FTCDNL1: variants seen among roughly 807,000 people sequenced by gnomAD.
The protein encoded by FTCDNL1 is formiminotransferase cyclodeaminase N-terminal like.
FTCDNL1 carries 11 observed loss-of-function variants against 5.9 expected under a neutral mutation model. The ratio of observed to expected loss-of-function variants is 1.87; its 90% confidence interval spans 1.18 to 3.10. The LOEUF (loss-of-function observed/expected upper bound fraction) is 3.10. Ranked by LOEUF, FTCDNL1 falls within the 30% of genes most tolerant of loss-of-function variation. FTCDNL1 has a pLI of 0.00. For synonymous variants in FTCDNL1, 58 were observed against 24.8 expected, an observed-to-expected ratio of 2.34 and a Z score of -3.99; for missense variants, 115 against 65.5, an observed-to-expected ratio of 1.76 and a Z score of -2.61.
chr2:199,669,254 A>G, the FTCDNL1 span, among the ~76,000 whole-genome samples: 1 of 152,198 alleles, frequency 6.6e-6, no homozygotes. Flanking sequence ...AGCTGAACCA[A>G]TTCAGAATAT....
intron 3 of FTCDNL1, among the ~76,000 whole-genome samples, chr2:199,844,718 C>T (rs2076682832): frequency 6.6e-6 from 1 of 152,114 alleles, no homozygotes; most frequent in Admixed American, 6.5e-5. Flanking sequence ...AGTCATAAAA[C>T]TTGACATTTC....
At chr2:199,821,318 T>C in intron 3 of FTCDNL1, among the ~76,000 whole-genome samples, 1 of 19,228 alleles carries the variant, frequency 5.2e-5, no homozygotes, top group South Asian at 4.3e-3. Context: ...CCTGGCTAAT[T>C]TTTTTTTTTT....
chr2:199,757,055 G>T (rs938708095), downstream of FTCDNL1, among the ~76,000 whole-genome samples: 1 of 152,186 alleles, frequency 6.6e-6, no homozygotes, highest in Non-Finnish European at 1.5e-5. Flanking sequence ...GACTAGGAAA[G>T]AAAATAGAAT....
At chr2:199,786,826 C>T (rs1253102629) in intron 3 of FTCDNL1, among the ~76,000 whole-genome samples, 27 of 152,184 alleles carry the variant, frequency 1.8e-4, no homozygotes, top group Admixed American at 1.7e-3. Flanking sequence ...TGGAACCACA[C>T]AAATTTGTTA....
At chr2:199,691,387 G>A in the FTCDNL1 span, among the ~76,000 whole-genome samples, 1 of 152,114 alleles carries the variant, frequency 6.6e-6, no homozygotes, top group Non-Finnish European at 1.5e-5. Context: ...TGGTCAGGCT[G>A]GTCTCGAACT....
the FTCDNL1 span, among the ~76,000 whole-genome samples, chr2:199,689,810 TAAAAA>T: frequency 8.5e-6 from 1 of 116,994 alleles, no homozygotes; most frequent in South Asian, 2.9e-4. Context: ...AAACTCCGTC[TAAAAA>T]AAAAAAAAAA....
At chr2:199,752,818 G>A in the FTCDNL1 span, among the ~76,000 whole-genome samples, 1 of 150,234 alleles carries the variant, frequency 6.7e-6, no homozygotes, top group Non-Finnish European at 1.5e-5. Flanking sequence ...AACTAAATTG[G>A]AGATATATAG....
rs558549134 is a variant in FTCDNL1, at chr2:199,793,026, A to G, written c.212-32191T>C. 3.3e-4 allele frequency among the ~76,000 whole-genome samples: 51 copies of G among 152,288 alleles called. 1 individual carries two copies. The South Asian group carries it at 0.01, about 31-fold the overall frequency. ...AGGGAGCATACACACAAAAACAATGACCTCAAAATACTTCTGGGAAAGTGG... is the reference window on the plus strand; with the variant it reads ...AGGGAGCATACACACAAAAACAATGGCCTCAAAATACTTCTGGGAAAGTGG... On this transcript the variant is annotated intron_variant, in intron 3 of 3. Transcript: ENST00000416668.
chr2:199,735,661 C>A, the FTCDNL1 span, among the ~76,000 whole-genome samples: 1 of 152,056 alleles, frequency 6.6e-6, no homozygotes, highest in Non-Finnish European at 1.5e-5. Flanking sequence ...TAGAAGAGTT[C>A]TTCCTCGTCT....
At chr2:199,774,546 T>C (rs1181605498) in intron 3 of FTCDNL1, among the ~76,000 whole-genome samples, 4 of 152,092 alleles carry the variant, frequency 2.6e-5, no homozygotes, top group African/African-American at 9.7e-5. Context: ...GTGGGGGCTT[T>C]AGGGGGTGGG....
At chr2:199,682,918 GT>G in the FTCDNL1 span, among the ~76,000 whole-genome samples, 2 of 152,164 alleles carry the variant, frequency 1.3e-5, no homozygotes. Flanking sequence ...TATTTTGGAA[GT>G]TCTTTTTAGA....
downstream of FTCDNL1, among the ~76,000 whole-genome samples, chr2:199,755,614 C>T (rs1177528436): frequency 3.3e-5 from 5 of 152,144 alleles, no homozygotes; most frequent in Non-Finnish European, 7.4e-5. Context: ...TATCTTAATA[C>T]GTGCATGGTG....
At chr2:199,740,269 C>A in the FTCDNL1 span, among the ~76,000 whole-genome samples, 1 of 152,040 alleles carries the variant, frequency 6.6e-6, no homozygotes, top group Admixed American at 6.6e-5. Context: ...CACGGTGGTG[C>A]CGGAAACTTT....
chr2:199,834,383 C>T (rs914091966), intron 3 of FTCDNL1, among the ~76,000 whole-genome samples: 6 of 152,168 alleles, frequency 3.9e-5, no homozygotes, highest in South Asian at 2.1e-4. Context: ...TAAACTAAAA[C>T]ACCAGCCTCG....
chr2:199,724,619 T>C, the FTCDNL1 span, among the ~76,000 whole-genome samples: 1 of 152,250 alleles, frequency 6.6e-6, no homozygotes, highest in African/African-American at 2.4e-5. Context: ...CTTCTTGTTT[T>C]ATGCCTTAAT....
chr2:199,741,401 C>G, the FTCDNL1 span, among the ~76,000 whole-genome samples: 1 of 152,174 alleles, frequency 6.6e-6, no homozygotes, highest in South Asian at 2.1e-4. Flanking sequence ...TTGATGAACT[C>G]CTTGTAGGAA....
downstream of FTCDNL1, among the ~76,000 whole-genome samples, chr2:199,806,018 G>T (rs1319642388): frequency 6.6e-6 from 1 of 152,034 alleles, no homozygotes; most frequent in Non-Finnish European, 1.5e-5. Context: ...CCCATGTTTA[G>T]GTCTGTATCT....
At chr2:199,763,042 TGAA>T (rs1175337648) in intron 3 of FTCDNL1, among the ~76,000 whole-genome samples, 2 of 152,266 alleles carry the variant, frequency 1.3e-5, no homozygotes, top group South Asian at 2.1e-4. Context: ...TATAAAAAAG[TGAA>T]GGAGTGAAAG....
chr2:199,671,719 A>T, the FTCDNL1 span, among the ~76,000 whole-genome samples: 105 of 152,158 alleles, frequency 6.9e-4, 1 homozygote, highest in Middle Eastern at 3.4e-3. Context: ...CTGGGACAAT[A>T]TTAGCCCAGC....
Sources: gnomAD v4.1 joint callset for allele counts (sites outside exome capture counted in the v4.1 genomes callset) on GRCh38, gnomAD v4.1.1 for gene constraint, MANE v1.5 for transcripts, NCBI Gene and HGNC (gene_info 2026-07-23, HGNC 2026-07-21) for gene names.